The following ARSG variants were observed in gnomAD, a reference collection of about 807,000 sequenced individuals.
ARSG encodes the protein ASG.
ARSG carries 37 observed loss-of-function variants against 50.5 expected under a neutral mutation model. The ratio of observed to expected loss-of-function variants is 0.73; its 90% CI spans 0.56 to 0.96. The LOEUF (loss-of-function observed/expected upper bound fraction) is 0.96, where lower values mean the gene tolerates loss of function less well. Ranked by LOEUF, ARSG falls within the 50% of genes least tolerant of loss-of-function variation. The pLI is 0.00. For missense variants in ARSG, 629 were observed against 675.3 expected, an observed-to-expected ratio of 0.93 and a Z score of 0.76; for synonymous variants, 225 against 254.6, an observed-to-expected ratio of 0.88 and a Z score of 1.11.
chr17:68,267,847 TA>T (rs2075203768), intron 1 of ARSG: 1 of 152,218 alleles, frequency 6.6e-6, no homozygotes, highest in Admixed American at 6.5e-5. Context: ...ATAGAAGATG[TA>T]AATTGCAACT....
Position 68,283,999 on chromosome 17 carries a change from G to A in ARSG, c.-551-22944G>A, listed in dbSNP as rs190127802. Among the ~76,000 whole-genome samples, 37 of 149,196 alleles carry A rather than the reference G, an allele frequency of 2.5e-4. No homozygotes were observed. The East Asian group carries it at 6.9e-3, about 28-fold the overall frequency. ...CCAGCTACCCAGGAGGCTGAGGCAC[G>A]AGAATCACTTGAACCTAGGAGTCGG... On this transcript the variant is annotated intron_variant, in intron 1 of 11. Coordinates refer to the ARSG transcript ENST00000448504.
At chr17:68,441,879 A>G in the ARSG span, among the ~76,000 whole-genome samples, 4 of 152,344 alleles carry the variant, frequency 2.6e-5, no homozygotes, top group East Asian at 7.7e-4. Flanking sequence ...TCAGAGGTCT[A>G]AAAAGACACA....
intron 11 of ARSG, among the ~76,000 whole-genome samples, chr17:68,405,386 A>G (rs1267967255): frequency 6.6e-6 from 1 of 151,958 alleles, no homozygotes; most frequent in African/African-American, 2.4e-5. Flanking sequence ...TATGGTTTTC[A>G]TTATGCAAGT....
At chr17:68,310,938 C>T (rs537664738) in intron 2 of ARSG, among the ~76,000 whole-genome samples, 5 of 152,198 alleles carry the variant, frequency 3.3e-5, no homozygotes, top group South Asian at 2.1e-4. Context: ...TGGTGGCTCA[C>T]GCCTGTAATT....
At position 68,273,299 on chromosome 17, in the gene ARSG, C is replaced by T. The variant is rs569159655; in HGVS notation, c.-552+13873C>T. 1.3e-4 allele frequency among the ~76,000 whole-genome samples: 20 copies of T among 152,022 alleles called. No individual in the cohort carries two copies. In the South Asian group the frequency reaches 4.0e-3, roughly 30 times the overall value. ...TCACAGCTCACTGGAGCCTTGACCT[C>T]CCAGGCTCAAGTGATCCTCCCACCT... On this transcript the variant is annotated intron_variant, in intron 1 of 11. Coordinates refer to the ARSG transcript ENST00000448504.
At chr17:68,368,060 G>A (rs929412730) in intron 6 of ARSG, among the ~76,000 whole-genome samples, 3 of 152,022 alleles carry the variant, frequency 2.0e-5, no homozygotes, top group African/African-American at 7.2e-5. Flanking sequence ...ACAAGAGTGC[G>A]ACTCTGTCTC....
chr17:68,432,001 T>C, the ARSG span, among the ~76,000 whole-genome samples: 1 of 152,230 alleles, frequency 6.6e-6, no homozygotes, highest in South Asian at 2.1e-4. Flanking sequence ...AGATGATGAA[T>C]TAAGGCTCCA....
intron 1 of ARSG, among the ~76,000 whole-genome samples, chr17:68,276,199 T>G (rs1273067379): frequency 6.6e-6 from 1 of 151,524 alleles, no homozygotes; most frequent in Non-Finnish European, 1.5e-5. Context: ...GATCAAGTGA[T>G]TCTCCTGCCT....
intron 1 of ARSG, among the ~76,000 whole-genome samples, chr17:68,285,314 G>A (rs1443089180): frequency 6.6e-6 from 1 of 152,144 alleles, no homozygotes; most frequent in Non-Finnish European, 1.5e-5. Flanking sequence ...GATAAAATTT[G>A]ATAAAGACCC....
At chr17:68,317,927 C>T (rs1196394883) in intron 2 of ARSG, among the ~76,000 whole-genome samples, 7 of 152,044 alleles carry the variant, frequency 4.6e-5, no homozygotes, top group Admixed American at 6.6e-5. Flanking sequence ...GGTGAAACCC[C>T]GTCTCTACTA....
At chr17:68,391,811 G>T (rs1406770669) in intron 9 of ARSG, among the ~76,000 whole-genome samples, 1 of 152,160 alleles carries the variant, frequency 6.6e-6, no homozygotes, top group Non-Finnish European at 1.5e-5. Flanking sequence ...GCATCAGAGT[G>T]GGGTGCCAGG....
At chr17:68,450,874 C>T in the ARSG span, 50 of 1,613,104 alleles carry the variant, frequency 3.1e-5, no homozygotes, top group South Asian at 5.5e-5. Context: ...AGGCGCTCCA[C>T]GATGTAGACG....
the ARSG span, among the ~76,000 whole-genome samples, chr17:68,432,880 C>T: frequency 6.6e-6 from 1 of 152,200 alleles, no homozygotes; most frequent in African/African-American, 2.4e-5. Context: ...TTTCCAACCC[C>T]CATTCTGCAC....
Position 68,341,176 on chromosome 17 carries a change from C to T in ARSG, c.219-2428C>T, listed in dbSNP as rs576886782. ...GCCAGAACACTGGGTGCTGATATTA[C>T]TTGAAATGATTCTTTCCTCTGTGTG... On this transcript the variant is annotated intron_variant, in intron 2 of 11. Transcript: ENST00000621439. Among the ~76,000 whole-genome samples the T allele has an allele frequency of 2.6e-5, 4 of 152,254 alleles. No homozygotes were observed. The South Asian group carries it at 8.3e-4, about 32-fold the overall frequency.
intron 9 of ARSG, among the ~76,000 whole-genome samples, chr17:68,388,751 C>A (rs1465185121): frequency 6.6e-6 from 1 of 151,874 alleles, no homozygotes; most frequent in East Asian, 1.9e-4. Flanking sequence ...ATGGTGAAAC[C>A]CCGTCTCTAC....
At position 68,307,508 on chromosome 17, in the gene ARSG, T is replaced by C. The variant is rs782662714; in HGVS notation, c.15T>C (p.Phe5=). The part of the protein sequence containing the change: MGWL[F]LKVLLAGVSF... The stretch of plus-strand genomic sequence containing the variant: ...CCTTCACCACCATGGGCTGGCTTTT[T>C]CTAAAGGTTTTGTTGGCGGGAGTGA... Residue 5 remains phenylalanine (F), a synonymous_variant, in exon 2 of 12, where the codon TTT becomes TTC. Transcript: ENST00000621439. The C allele has an allele frequency of 9.3e-6, 15 of 1,613,834 alleles. No individual in the cohort carries two copies. The African/African-American group carries it at 1.9e-4, about 20-fold the overall frequency.
chr17:68,383,144 G>T (rs970384146), intron 8 of ARSG, among the ~76,000 whole-genome samples: 3 of 152,160 alleles, frequency 2.0e-5, no homozygotes, highest in African/African-American at 7.2e-5. Flanking sequence ...TATTAGGAAA[G>T]TCAGTCACCT....
At position 68,278,549 on chromosome 17, in the gene ARSG, G is replaced by A. The variant is rs988973447; in HGVS notation, c.-552+19123G>A. Among the ~76,000 whole-genome samples, 12 of 151,292 alleles carry A rather than the reference G, an allele frequency of 7.9e-5. No homozygotes were observed. In the South Asian group the frequency reaches 1.2e-3, roughly 16 times the overall value. ...ACTGCAACCTCTGCAATTCTCCTAC[G>A]TCAGCCTCCCAAGTAGCTGGGACTA... On this transcript the variant is annotated intron_variant, in intron 1 of 11. Transcript: ENST00000448504.
chr17:68,372,825 T>A (rs72490435), intron 8 of ARSG, among the ~76,000 whole-genome samples: 10,130 of 150,500 alleles, frequency 0.067, 363 homozygotes, highest in East Asian at 0.12. Context: ...TGTAGTTACC[T>A]AGAAACTGAA....
Sources: allele counts gnomAD v4.1 joint callset (sites outside exome capture counted in the v4.1 genomes callset), GRCh38; gene constraint gnomAD v4.1.1; transcripts MANE v1.5; gene names NCBI Gene and HGNC (gene_info 2026-07-23, HGNC 2026-07-21).